LIPA: variants seen among roughly 807,000 people sequenced by gnomAD.
LIPA encodes lysosomal acid lipase/cholesteryl ester hydrolase.
A neutral mutation model predicts 40.6 loss-of-function variants in LIPA; 26 were observed. That is an observed-to-expected ratio of 0.64 (90% CI 0.47 to 0.89). LIPA has a LOEUF of 0.89. Among genes scored for constraint, LIPA ranks in the 40% least tolerant of loss-of-function variants. The pLI is 0.00. For missense variants in LIPA, 455 were observed against 479.6 expected (o/e 0.95, Z 0.48); for synonymous variants, 188 against 168.4 (o/e 1.12, Z -0.90).
At chr10:89,320,584 G>A (rs1414120416) in intron 1 of LIPA, among the ~76,000 whole-genome samples, 1 of 152,166 alleles carries the variant, frequency 6.6e-6, no homozygotes, top group Non-Finnish European at 1.5e-5. Flanking sequence ...CAAACAAATG[G>A]AAGAACATTC....
At chr10:89,289,982 C>T (rs895380901) in intron 1 of LIPA, among the ~76,000 whole-genome samples, 31 of 133,686 alleles carry the variant, frequency 2.3e-4, no homozygotes, top group African/African-American at 9.0e-4. Flanking sequence ...TTGACTTACT[C>T]ACTGCTAAAA....
At chr10:89,295,315 G>A (rs555235918) in intron 1 of LIPA, among the ~76,000 whole-genome samples, 1 of 152,254 alleles carries the variant, frequency 6.6e-6, no homozygotes, top group African/African-American at 2.4e-5. Context: ...AGCTCTTCTA[G>A]GTGGACAAAA....
intron 1 of LIPA, among the ~76,000 whole-genome samples, chr10:89,326,590 T>C (rs1485006169): frequency 6.6e-6 from 1 of 152,190 alleles, no homozygotes; most frequent in Non-Finnish European, 1.5e-5. Flanking sequence ...AAGAGTATAA[T>C]TGGATTGTTT....
At chr10:89,225,760 T>C (rs1175271193) in intron 5 of LIPA, among the ~76,000 whole-genome samples, 1 of 152,132 alleles carries the variant, frequency 6.6e-6, no homozygotes, top group African/African-American at 2.4e-5. Flanking sequence ...ATAATTCCCA[T>C]GTGTTGTGGG....
rs762143630 is a variant in LIPA at position 89,225,230 on chromosome 10, T to C, written c.539-2A>G. The C allele has an allele frequency of 7.4e-6, 12 of 1,614,136 alleles. No individual in the cohort carries two copies. Among genetic ancestry groups the C allele is most frequent in the Non-Finnish European group, 1.0e-5 (12 of 1,180,000 alleles). ...GGATCTGTGAAAATGCTATAAAACC[T>C]GTGAGAACAAAGGACAGAAAACAGG... On this transcript the variant is annotated splice_acceptor_variant, in intron 5 of 9. Transcript: ENST00000336233. LOFTEE classifies it high-confidence loss of function.
chr10:89,383,730 A>G (rs757056673), intron 2 of LIPA: 14 of 1,614,242 alleles, frequency 8.7e-6, no homozygotes, highest in Admixed American at 1.7e-5. Context: ...TGGAGTGTCC[A>G]GAGGTGGACT....
At chr10:89,307,494 C>T (rs914676039) in intron 1 of LIPA, 237 of 796,186 alleles carry the variant, frequency 3.0e-4, no homozygotes, top group Non-Finnish European at 4.3e-4. Flanking sequence ...AAGACACTGG[C>T]CATACCACTG....
At position 89,245,802 on chromosome 10, in the gene LIPA, A is replaced by G. The variant is rs200186130; in HGVS notation, c.112-9T>C. 8.0e-5 allele frequency: 109 copies of G among 1,359,584 alleles called. No homozygotes were observed. In the African/African-American group the frequency reaches 1.5e-3, roughly 18 times the overall value. The allele number at this position is 1,359,584 out of a possible 1,614,324, so 84.2% of individuals were successfully genotyped here. On this transcript the variant is annotated splice_polypyrimidine_tract_variant and intron_variant, in intron 2 of 9. Coordinates refer to ENST00000336233, the MANE Select transcript of LIPA (RefSeq NM_000235.4). ...TAAGAGATAATTTCACTCTGTAGAG[A>G]AAAAGGACGATGGAAATTGGGTGGA...
intron 1 of LIPA, among the ~76,000 whole-genome samples, chr10:89,273,914 T>C (rs1843277751): frequency 6.6e-6 from 1 of 152,234 alleles, no homozygotes; most frequent in African/African-American, 2.4e-5. Context: ...TTGGAATTTG[T>C]ATTGTCTATG....
chr10:89,320,376 G>C (rs957785234), intron 1 of LIPA, among the ~76,000 whole-genome samples: 5 of 152,112 alleles, frequency 3.3e-5, no homozygotes, highest in African/African-American at 1.2e-4. Flanking sequence ...AAAGTCTCAG[G>C]ATCCAAAATC....
intron 2 of LIPA, chr10:89,383,618 C>T (rs1844179526): frequency 1.9e-6 from 3 of 1,614,186 alleles, no homozygotes; most frequent in Non-Finnish European, 1.7e-6. Flanking sequence ...GGCAACTTTG[C>T]CTGGGTGTAT....
intron 1 of LIPA, among the ~76,000 whole-genome samples, chr10:89,288,064 T>C (rs940043930): frequency 7.2e-5 from 11 of 152,234 alleles, no homozygotes; most frequent in Non-Finnish European, 2.9e-5. Flanking sequence ...TGGGCTGTAC[T>C]GCTGCAAGGC....
rs542691950 is a variant in LIPA at position 89,376,314 on chromosome 10, G to A, written c.61+36477C>T. ...TGCCTAAATCCTTCCTTGAATAGAC[G>A]TGGAGATGGGTTTTTAATTCACATA... On this transcript the variant is annotated intron_variant, in intron 2 of 8. Coordinates refer to the LIPA transcript ENST00000371837. Among the ~76,000 whole-genome samples, 20 of 152,132 alleles carry A rather than the reference G, an allele frequency of 1.3e-4. No homozygotes were observed. The South Asian group carries it at 2.7e-3, about 21-fold the overall frequency.
At chr10:89,224,934 G>C (rs1348541737) in intron 6 of LIPA, among the ~76,000 whole-genome samples, 158 bp downstream of exon 6, 1 of 152,218 alleles carries the variant, frequency 6.6e-6, no homozygotes, top group Non-Finnish European at 1.5e-5. Flanking sequence ...CCACCCCTGG[G>C]TCTGGAAGGA....
chr10:89,226,120 C>A (rs1191378329), intron 5 of LIPA, among the ~76,000 whole-genome samples: 1 of 152,038 alleles, frequency 6.6e-6, no homozygotes, highest in Admixed American at 6.5e-5. Context: ...AGCAGTGGGG[C>A]AAAGGTCCCA....
At position 89,302,154 on chromosome 10, in the gene LIPA, T is replaced by C. The variant is rs753279726; in HGVS notation, c.-2+40457A>G. 1.5e-5 allele frequency: 25 copies of C among 1,613,368 alleles called. No homozygotes were observed. The East Asian group carries it at 5.6e-4, about 36-fold the overall frequency. On this transcript the variant is annotated intron_variant, in intron 1 of 5. Coordinates refer to the LIPA transcript ENST00000282673. The stretch of plus-strand genomic sequence containing the variant: ...GTAAATATTTTCCCTTCGTATTCGG[T>C]AGTGCTGTTGAGTCATCTTGTCCAA...
At chr10:89,284,853 AC>A (rs1843333353) in intron 1 of LIPA, among the ~76,000 whole-genome samples, 1 of 152,172 alleles carries the variant, frequency 6.6e-6, no homozygotes, top group Admixed American at 6.5e-5. Flanking sequence ...TGATGACATT[AC>A]CTTGTGAAAT....
At chr10:89,260,364 A>G (rs1013770617) in intron 1 of LIPA, among the ~76,000 whole-genome samples, 4 of 152,218 alleles carry the variant, frequency 2.6e-5, no homozygotes, top group Admixed American at 1.3e-4. Flanking sequence ...GAACAAGGAT[A>G]CCTGGCTCCT....
At position 89,398,112 on chromosome 10, in the gene LIPA, C is replaced by T. The variant is rs60288165; in HGVS notation, c.61+14679G>A. Among the ~76,000 whole-genome samples the T allele has an allele frequency of 6.8e-3, 1,031 of 152,138 alleles. 10 individuals carry two copies. The highest frequency in any genetic ancestry group is 0.024 in the African/African-American group (988 of 41,494). The stretch of plus-strand genomic sequence containing the variant: ...CAGTGTGGAGGATCAGTCAGAGTGA[C>T]GGGAAAAACTATAGGGAAAGAATGC... On this transcript the variant is annotated intron_variant, in intron 2 of 8. Transcript: ENST00000371837.
Sources: allele counts gnomAD v4.1 joint callset (sites outside exome capture counted in the v4.1 genomes callset), GRCh38; gene constraint gnomAD v4.1.1; transcripts MANE v1.5; gene names NCBI Gene and HGNC (gene_info 2026-07-23, HGNC 2026-07-21).